The following TEK variants were observed in gnomAD, a reference collection of about 807,000 sequenced individuals.
The protein encoded by TEK is angiopoietin-1 receptor.
In TEK, 43 loss-of-function variants were observed where a neutral mutation model predicts 131.8. The observed-to-expected ratio is 0.33, with a 90% confidence interval of 0.26 to 0.42. The LOEUF is 0.42. Among genes scored for constraint, TEK ranks in the 10% least tolerant of loss-of-function variants. TEK has a pLI of 1.00. For synonymous variants in TEK, 580 were observed against 491.6 expected, an observed-to-expected ratio of 1.18 and a Z score of -2.38; for missense variants, 1,162 against 1,384.4, an observed-to-expected ratio of 0.84 and a Z score of 2.55.
At chr9:27,192,933 A>C (rs1824877096) in intron 11 of TEK, among the ~76,000 whole-genome samples, 1 of 152,206 alleles carries the variant, frequency 6.6e-6, no homozygotes, top group Non-Finnish European at 1.5e-5. Flanking sequence ...GCTGGGATTT[A>C]CACAGCAGCA....
intron 1 of TEK, among the ~76,000 whole-genome samples, chr9:27,155,279 T>C (rs1823289416): frequency 6.6e-6 from 1 of 152,180 alleles, no homozygotes; most frequent in African/African-American, 2.4e-5. Context: ...TAGCTCGTCG[T>C]CTCTTTCAAT....
At chr9:27,144,053 G>T (rs948586642) in intron 1 of TEK, among the ~76,000 whole-genome samples, 11 of 152,238 alleles carry the variant, frequency 7.2e-5, no homozygotes. Flanking sequence ...GGAGGCTGAG[G>T]TGGGCAGAAC....
chr9:27,197,714 G>C (rs1825080188), intron 12 of TEK, 115 bp downstream of exon 12: 2 of 1,362,164 alleles, frequency 1.5e-6, no homozygotes, highest in Non-Finnish European at 2.1e-6. Flanking sequence ...TTAGTTGTGA[G>C]AGAAGGCTAA....
chr9:27,209,789 G>A (rs998551704), intron 16 of TEK, among the ~76,000 whole-genome samples: 3 of 152,232 alleles, frequency 2.0e-5, no homozygotes, highest in Non-Finnish European at 4.4e-5. Context: ...TGTTGCACAT[G>A]CATTTAAAGT....
At chr9:27,111,898 CTTTTT>C (rs34064691) in intron 1 of TEK, among the ~76,000 whole-genome samples, 1 of 111,704 alleles carries the variant, frequency 9.0e-6, no homozygotes. Flanking sequence ...TGTCACTTGA[CTTTTT>C]TTTTTTTTTT....
chr9:27,190,475 A>G, intron 9 of TEK, 54 bp from the exon 10 acceptor site: 1 of 1,609,574 alleles, frequency 6.2e-7, no homozygotes, highest in Non-Finnish European at 8.5e-7. Flanking sequence ...ACCTAAGAAC[A>G]ATCACAAAAC....
In TEK at chr9:27,180,339, G is replaced by A; in HGVS notation, c.1001G>A (p.Gly334Glu). Residue 334 changes from glycine (G) to glutamate (E), a missense_variant, in exon 7 of 23, where the codon GGA becomes GAA. By Grantham distance (98) the Gly-to-Glu change is moderately conservative. Transcript: ENST00000380036. ...DRFQGCLCSP[G>E]WQGLQCEREG... ...TTCCAAGGATGTCTCTGCTCTCCAGGATGGCAGGGGCTCCAGTGTGAGAGA... is the reference window on the plus strand; with the variant it reads ...TTCCAAGGATGTCTCTGCTCTCCAGAATGGCAGGGGCTCCAGTGTGAGAGA... 3 of 1,613,664 alleles carry A rather than the reference G, an allele frequency of 1.9e-6. No individual in the cohort carries two copies. The highest frequency in any genetic ancestry group is 2.5e-6 in the Non-Finnish European group (3 of 1,179,784).
At chr9:27,224,811 C>G (rs1638306258) in intron 21 of TEK, among the ~76,000 whole-genome samples, 2 of 152,198 alleles carry the variant, frequency 1.3e-5, no homozygotes, top group Non-Finnish European at 1.5e-5. Context: ...GAGAGGAAGT[C>G]AAACTGTCTC....
At chr9:27,219,576 G>GAAAA (rs1825968404) in intron 20 of TEK, among the ~76,000 whole-genome samples, 1 of 136,650 alleles carries the variant, frequency 7.3e-6, no homozygotes, top group Non-Finnish European at 1.6e-5. Context: ...GATAGGTGCA[G>GAAAA]CAAACCACCC....
At chr9:27,152,600 C>T (rs1204247051) in intron 1 of TEK, among the ~76,000 whole-genome samples, 1 of 81,866 alleles carries the variant, frequency 1.2e-5, no homozygotes, top group Non-Finnish European at 2.4e-5. Flanking sequence ...GCCCCCCCGC[C>T]GCAAAAAAAT....
chr9:27,170,082 G>A (rs2131143806), intron 4 of TEK, among the ~76,000 whole-genome samples: 1 of 152,228 alleles, frequency 6.6e-6, no homozygotes, highest in Non-Finnish European at 1.5e-5. Flanking sequence ...TTCTTCACAT[G>A]GCGGCAGGAG....
intron 4 of TEK, among the ~76,000 whole-genome samples, chr9:27,171,311 A>G (rs1384465130): frequency 1.3e-5 from 2 of 152,104 alleles, no homozygotes; most frequent in African/African-American, 4.8e-5. Context: ...TCATTCCTCT[A>G]ACGATTGCCA....
At chr9:27,153,881 C>A (rs190992930) in intron 1 of TEK, among the ~76,000 whole-genome samples, 2 of 152,172 alleles carry the variant, frequency 1.3e-5, no homozygotes, top group Non-Finnish European at 2.9e-5. Context: ...TACTCGTTGT[C>A]GTGGAGCCTC....
chr9:27,143,676 T>C (rs986661041), intron 1 of TEK, among the ~76,000 whole-genome samples: 3 of 152,116 alleles, frequency 2.0e-5, no homozygotes, highest in African/African-American at 7.2e-5. Flanking sequence ...ACAACATATA[T>C]ATATATGTAC....
intron 1 of TEK, among the ~76,000 whole-genome samples, chr9:27,118,539 T>C (rs1206770179): frequency 2.0e-5 from 3 of 152,150 alleles, no homozygotes; most frequent in Non-Finnish European, 2.9e-5. Context: ...GAGGCTGAGA[T>C]AGATGGATCG....
At chr9:27,155,278 GTC>G (rs1026677288) in intron 1 of TEK, among the ~76,000 whole-genome samples, 3 of 152,124 alleles carry the variant, frequency 2.0e-5, no homozygotes, top group Non-Finnish European at 4.4e-5. Flanking sequence ...GTAGCTCGTC[GTC>G]TCTTTCAATG....
In TEK at chr9:27,109,316, GC is replaced by G. The variant is rs1554684273; in HGVS notation, c.-270del. The stretch of plus-strand genomic sequence containing the variant: ...ATTGCGAGATGGATAGGGCTTGAGT[GC>G]CCCCAGCCCTGCTGATACCAAATGC... On this transcript the variant is annotated 5_prime_UTR_variant, in exon 1 of 23. Transcript: ENST00000380036. 1 of 546,688 alleles carries G rather than the reference GC, an allele frequency of 1.8e-6. No homozygotes were observed. The allele number at this position is 546,688 out of a possible 1,614,324, so 33.9% of individuals were successfully genotyped here. A position where few individuals can be genotyped will look rare whatever the true frequency, so the allele number is the denominator to read the frequency against.
intron 1 of TEK, among the ~76,000 whole-genome samples, chr9:27,122,228 G>A (rs1195306666): frequency 6.6e-6 from 1 of 152,200 alleles, no homozygotes; most frequent in African/African-American, 2.4e-5. Flanking sequence ...AACTCAAGCA[G>A]TTGCAGTCTG....
chr9:27,149,388 AGT>A, intron 1 of TEK, among the ~76,000 whole-genome samples: 1 of 152,194 alleles, frequency 6.6e-6, no homozygotes, highest in Admixed American at 6.5e-5. Context: ...TTCCTTCAAT[AGT>A]GTGAGAATTC....
Sources: gnomAD v4.1 joint callset for allele counts (sites outside exome capture counted in the v4.1 genomes callset) on GRCh38, gnomAD v4.1.1 for gene constraint, MANE v1.5 for transcripts, NCBI Gene and HGNC (gene_info 2026-07-23, HGNC 2026-07-21) for gene names.